Variants in GPC6 observed in about 807,000 individuals in gnomAD.
GPC6 encodes glypican 6.
In GPC6, 14 loss-of-function variants were observed where a neutral mutation model predicts 55.2. The ratio of observed to expected loss-of-function variants is 0.25; its 90% confidence interval spans 0.17 to 0.40. The LOEUF (loss-of-function observed/expected upper bound fraction) is 0.40, where lower values mean the gene tolerates loss of function less well. Among genes scored for constraint, GPC6 ranks in the 10% least tolerant of loss-of-function variants. The probability of loss-of-function intolerance (pLI) is 1.00; values close to 1 mark genes in which losing one functional copy is unlikely to be tolerated. For synonymous variants in GPC6, 278 were observed against 259.6 expected, an observed-to-expected ratio of 1.07 and a Z score of -0.68; for missense variants, 641 against 708.5, an observed-to-expected ratio of 0.90 and a Z score of 1.08.
chr13:93,263,900 TTC>T (rs1167859617), intron 1 of GPC6, among the ~76,000 whole-genome samples: 10 of 152,330 alleles, frequency 6.6e-5, no homozygotes, highest in African/African-American at 2.2e-4. Context: ...TGCCACATAT[TTC>T]TCTCTGTTAG....
At chr13:93,792,805 G>A (rs1886086238) in intron 2 of GPC6, among the ~76,000 whole-genome samples, 1 of 152,212 alleles carries the variant, frequency 6.6e-6, no homozygotes, top group Admixed American at 6.5e-5. Flanking sequence ...ATCCATGGGT[G>A]TATGGATCAG....
At chr13:93,299,719 C>T (rs1259448399) in intron 1 of GPC6, among the ~76,000 whole-genome samples, 5 of 152,172 alleles carry the variant, frequency 3.3e-5, no homozygotes, top group African/African-American at 4.8e-5. Context: ...ATGCCAATGC[C>T]ACTTGTAGAA....
chr13:94,316,726 A>G (rs535283647), intron 6 of GPC6, among the ~76,000 whole-genome samples: 29 of 152,222 alleles, frequency 1.9e-4, no homozygotes, highest in African/African-American at 5.5e-4. Context: ...CAAAAAAAAA[A>G]AAAAAAAAGA....
intron 3 of GPC6, among the ~76,000 whole-genome samples, chr13:94,020,878 A>G (rs1882667117): frequency 6.6e-6 from 1 of 152,180 alleles, no homozygotes; most frequent in Non-Finnish European, 1.5e-5. Context: ...AAGCCTATTT[A>G]TAGGTTACTA....
intron 2 of GPC6, among the ~76,000 whole-genome samples, chr13:93,755,476 T>G (rs1884736831): frequency 6.6e-6 from 1 of 152,212 alleles, no homozygotes; most frequent in African/African-American, 2.4e-5. Context: ...GGCCCTATTG[T>G]CATTTGAAAT....
chr13:94,180,878 C>CACAG (rs1555304649), intron 4 of GPC6, among the ~76,000 whole-genome samples: 2 of 149,562 alleles, frequency 1.3e-5, no homozygotes, highest in Non-Finnish European at 3.0e-5. Flanking sequence ...GAGACACACA[C>CACAG]AGAGAGAGAG....
At chr13:93,458,342 T>C (rs1417600365) in intron 1 of GPC6, among the ~76,000 whole-genome samples, 1 of 152,204 alleles carries the variant, frequency 6.6e-6, no homozygotes. Flanking sequence ...TCCTGTCTTA[T>C]GTCCTTAGTA....
chr13:93,784,933 A>G (rs1000127873), intron 2 of GPC6, among the ~76,000 whole-genome samples: 1 of 152,192 alleles, frequency 6.6e-6, no homozygotes, highest in African/African-American at 2.4e-5. Context: ...TATAATAGAT[A>G]AATTGAATTT....
chr13:93,789,185 T>C (rs1359211282), intron 2 of GPC6, among the ~76,000 whole-genome samples: 1 of 152,138 alleles, frequency 6.6e-6, no homozygotes, highest in Non-Finnish European at 1.5e-5. Flanking sequence ...TTCGTCTCTT[T>C]TATTTGAAAT....
chr13:93,669,882 G>A (rs1032670454), intron 2 of GPC6, among the ~76,000 whole-genome samples: 1 of 152,114 alleles, frequency 6.6e-6, no homozygotes, highest in Non-Finnish European at 1.5e-5. Flanking sequence ...TAATACAGAT[G>A]TTAATTCACA....
At chr13:93,887,867 G>T (rs1026443460) in intron 3 of GPC6, among the ~76,000 whole-genome samples, 1 of 151,954 alleles carries the variant, frequency 6.6e-6, no homozygotes, top group Non-Finnish European at 1.5e-5. Context: ...AAATATAATG[G>T]ACCCATAAAT....
intron 8 of GPC6, among the ~76,000 whole-genome samples, chr13:94,400,972 AC>A (rs1881106656): frequency 6.6e-6 from 1 of 152,236 alleles, no homozygotes; most frequent in Admixed American, 6.5e-5. Context: ...ATGTCAGGGT[AC>A]ATTCCAGGTC....
At chr13:93,489,574 T>G (rs1236171320) in intron 1 of GPC6, among the ~76,000 whole-genome samples, 1 of 151,510 alleles carries the variant, frequency 6.6e-6, no homozygotes, top group Non-Finnish European at 1.5e-5. Context: ...TATGGCCATT[T>G]TCACAATATT....
intron 6 of GPC6, among the ~76,000 whole-genome samples, chr13:94,367,698 T>C (rs1005045767): frequency 2.0e-5 from 3 of 152,236 alleles, no homozygotes; most frequent in African/African-American, 7.2e-5. Flanking sequence ...TTATTCAGAC[T>C]GAACTTTTCA....
At chr13:93,298,112 C>T (rs1878556053) in intron 1 of GPC6, among the ~76,000 whole-genome samples, 1 of 152,170 alleles carries the variant, frequency 6.6e-6, no homozygotes, top group Non-Finnish European at 1.5e-5. Context: ...AAAAATCAGT[C>T]ACTTCCCATA....
intron 2 of GPC6, among the ~76,000 whole-genome samples, chr13:93,596,768 A>T (rs1877762852): frequency 6.7e-6 from 1 of 148,624 alleles, no homozygotes; most frequent in Admixed American, 6.7e-5. Flanking sequence ...ATATGTGTAT[A>T]TATACACACA....
intron 2 of GPC6, among the ~76,000 whole-genome samples, chr13:93,694,924 A>G (rs544313318): frequency 7.9e-5 from 12 of 152,230 alleles, no homozygotes; most frequent in Non-Finnish European, 1.8e-4. Context: ...TAAAAAAAAA[A>G]TCACACCTCT....
intron 2 of GPC6, among the ~76,000 whole-genome samples, chr13:93,546,598 A>G (rs1448411302): frequency 6.6e-6 from 1 of 152,176 alleles, no homozygotes; most frequent in Non-Finnish European, 1.5e-5. Context: ...GATGTATATG[A>G]AAATAATTTT....
intron 4 of GPC6, among the ~76,000 whole-genome samples, chr13:94,258,133 G>A (rs2139046202): frequency 6.6e-6 from 1 of 152,172 alleles, no homozygotes; most frequent in African/African-American, 2.4e-5. Context: ...GCTGTTTCTA[G>A]AATTTTTGTT....
Sources: gnomAD v4.1 joint callset for allele counts (sites outside exome capture counted in the v4.1 genomes callset) on GRCh38, gnomAD v4.1.1 for gene constraint, MANE v1.5 for transcripts, NCBI Gene and HGNC (gene_info 2026-07-23, HGNC 2026-07-21) for gene names.